The following GCN1 variants were observed in gnomAD, a reference collection of about 807,000 sequenced individuals.
GCN1 encodes stalled ribosome sensor GCN1.
Under a neutral mutation model 288.4 loss-of-function variants are expected in GCN1, and 90 were observed. The ratio of observed to expected loss-of-function variants is 0.31; its 90% CI spans 0.26 to 0.37. GCN1 has a LOEUF of 0.37. Among genes scored for constraint, GCN1 ranks in the 10% least tolerant of loss-of-function variants. The probability of loss-of-function intolerance (pLI) is 1.00; values close to 1 mark genes in which losing one functional copy is unlikely to be tolerated. For missense variants in GCN1, 2,586 were observed against 3,419.9 expected (o/e 0.76, Z 6.08); for synonymous variants, 1,386 against 1,420.2 (o/e 0.98, Z 0.54).
intron 57 of GCN1, 66 bp from the exon 58 acceptor site, chr12:120,128,040 A>C (rs1876675401): frequency 1.3e-6 from 2 of 1,572,354 alleles, no homozygotes; most frequent in Non-Finnish European, 1.7e-6. Context: ...CTCCAATTGG[A>C]GAAAGACAAA....
chr12:120,157,532 A>G (rs1334071322), intron 26 of GCN1, among the ~76,000 whole-genome samples: 2 of 152,256 alleles, frequency 1.3e-5, no homozygotes, highest in African/African-American at 2.4e-5. Flanking sequence ...AACAACCTTA[A>G]GAACTCATCA....
At chr12:120,193,536 C>G (rs1879075278) in intron 1 of GCN1, among the ~76,000 whole-genome samples, 1 of 152,154 alleles carries the variant, frequency 6.6e-6, no homozygotes, top group Non-Finnish European at 1.5e-5. Flanking sequence ...AACTCCTGAC[C>G]TCAACTGATC....
At chr12:120,187,896 A>AC (rs1225147094) in intron 2 of GCN1, among the ~76,000 whole-genome samples, 2 of 151,920 alleles carry the variant, frequency 1.3e-5, no homozygotes, top group Admixed American at 6.6e-5. Flanking sequence ...TGAAAAAAAA[A>AC]AAAAACAAAA....
chr12:120,193,882 C>A (rs578119082), intron 1 of GCN1, among the ~76,000 whole-genome samples: 3 of 152,288 alleles, frequency 2.0e-5, no homozygotes, highest in Non-Finnish European at 4.4e-5. Flanking sequence ...ATCCCATCAC[C>A]CTGGAGACAC....
In GCN1 at chr12:120,137,206, C is replaced by T; in HGVS notation, c.6777G>A (p.Lys2259=). 1 of 1,612,400 alleles carries T rather than the reference C, an allele frequency of 6.2e-7. No individual in the cohort carries two copies. The change falls in exon 50 of 58, where the codon AAG becomes AAA. Residue 2259 remains lysine (K), a splice_region_variant and synonymous_variant. Transcript: ENST00000300648. This position sits in a 1 kb window ranked among gnomAD's most constrained non-coding sequence, Gnocchi z 5.2. ...CCCCCTGCACGAGGCCCTGGCTTAC[C>T]TTCTTCGGGAGGCAGAATCCTGGCA... ...EHVPGFCLPK[K]GVTSILPVLR...
chr12:120,182,189 G>C (rs1238885033), intron 5 of GCN1, among the ~76,000 whole-genome samples: 1 of 151,644 alleles, frequency 6.6e-6, no homozygotes, highest in Non-Finnish European at 1.5e-5. Flanking sequence ...AAACCACTCA[G>C]TGCAGATAAG....
intron 33 of GCN1, among the ~76,000 whole-genome samples, chr12:120,152,223 C>T (rs1877579923): frequency 6.6e-6 from 1 of 151,764 alleles, no homozygotes; most frequent in African/African-American, 2.4e-5. Flanking sequence ...GAGACAGGAT[C>T]TCACTATGTT....
intron 36 of GCN1, among the ~76,000 whole-genome samples, chr12:120,149,284 G>C (rs1877461728): frequency 1.3e-5 from 2 of 152,114 alleles, no homozygotes; most frequent in Non-Finnish European, 2.9e-5. Flanking sequence ...TGCTTTGGGA[G>C]GCCAAGGCAG....
At chr12:120,160,653 G>C (rs1433251817) in intron 22 of GCN1, among the ~76,000 whole-genome samples, 2 of 152,180 alleles carry the variant, frequency 1.3e-5, no homozygotes, top group Admixed American at 6.5e-5. Flanking sequence ...GCTTAGAAAA[G>C]GCCTGCTATA....
At chr12:120,169,111 C>A (rs1039994953) in intron 15 of GCN1, among the ~76,000 whole-genome samples, 3 of 151,972 alleles carry the variant, frequency 2.0e-5, no homozygotes, top group Non-Finnish European at 4.4e-5. Context: ...CTGGCTAACA[C>A]GATGAAACCC....
In GCN1 at chr12:120,156,084, G is replaced by A. The variant is rs1877736973; in HGVS notation, c.3313-365C>T. Among the ~76,000 whole-genome samples the A allele has an allele frequency of 6.6e-6, 1 of 152,182 alleles. No individual in the cohort carries two copies. The highest frequency in any genetic ancestry group is 1.5e-5 in the Non-Finnish European group (1 of 68,036). On this transcript the variant is annotated intron_variant, in intron 28 of 57. Transcript: ENST00000300648. The surrounding 1 kb of genome is among the most constrained non-coding windows in gnomAD (Gnocchi z 5.8). ...ATAGCAGGAGGCTGTGGATCAGCAGGTAGGAACCACTGTCTTACCACTACA... is the reference window on the plus strand; with the variant it reads ...ATAGCAGGAGGCTGTGGATCAGCAGATAGGAACCACTGTCTTACCACTACA...
rs1347803243 is a variant in GCN1, at chr12:120,158,698, C to T, written c.2750-83G>A. The T allele has an allele frequency of 3.4e-6, 4 of 1,164,306 alleles. No homozygotes were observed. The highest frequency in any genetic ancestry group is 2.7e-5 in the Admixed American group (1 of 37,096). 72.1% of individuals were successfully genotyped at this position (1,164,306 alleles called of 1,614,324 possible). ...CCAGGCTAAAACAGGGGACCCAGTG[C>T]CTCATCCTTCTGACTTAAAAAAATA... On this transcript the variant is annotated intron_variant, in intron 24 of 57. Transcript: ENST00000300648. The surrounding 1 kb of genome is among the most constrained non-coding windows in gnomAD (Gnocchi z 4.3).
chr12:120,161,753 C>A, intron 21 of GCN1, 127 bp downstream of exon 21: 2 of 1,017,004 alleles, frequency 2.0e-6, no homozygotes, highest in South Asian at 1.5e-5. Flanking sequence ...GGGGACACAA[C>A]AGGCGCTTAG....
At chr12:120,154,910 C>T (rs1358551583) in intron 31 of GCN1, 60 bp downstream of exon 31, 1 of 1,476,500 alleles carries the variant, frequency 6.8e-7, no homozygotes, top group African/African-American at 1.4e-5. Context: ...AGCACCCACC[C>T]AGCCAACCTG....
chr12:120,162,725 C>G, intron 20 of GCN1, 122 bp downstream of exon 20: 1 of 1,130,284 alleles, frequency 8.8e-7, no homozygotes, highest in East Asian at 2.4e-5. Context: ...CACGTGCAAC[C>G]AAGGGTCCAA....
chr12:120,184,058 TCTC>T, intron 4 of GCN1, 51 bp downstream of exon 4: 1 of 1,498,870 alleles, frequency 6.7e-7, no homozygotes, highest in Non-Finnish European at 9.1e-7. Context: ...TGCATCAGCT[TCTC>T]CTGAGCAGGA....
chr12:120,150,117 G>A (rs1401112421), intron 34 of GCN1, 74 bp from the exon 35 acceptor site: 2 of 1,486,612 alleles, frequency 1.3e-6, no homozygotes, highest in East Asian at 2.3e-5. Flanking sequence ...AGAAGGGACA[G>A]CAACCTCCCT....
Position 120,147,088 on chromosome 12 carries a change from C to A in GCN1, c.4911G>T (p.Gln1637His). 6.3e-7 allele frequency: 1 copy of A among 1,594,414 alleles called. No individual in the cohort carries two copies. Residue 1637 changes from glutamine to histidine, a missense_variant, in exon 38 of 58, where the codon CAG (glutamine) becomes CAT (histidine). This residue lies in a region of GCN1 where 371 missense variants were observed against 572.6 expected (regional missense o/e 0.65). Transcript: ENST00000300648. ...TCAGGGAGTACATGTTGCCAATAAT[C>A]TGGGCTGCCATCTTCCGCGTGTCCG... ...RSTDTRKMAA[Q>H]IIGNMYSLTD...
rs369703032 is a variant in GCN1, at chr12:120,173,970, T to C, written c.1192+101A>G. On this transcript the variant is annotated intron_variant, in intron 13 of 57. Transcript: ENST00000300648. ...GCTACGAGCCTTGCTCTGAGGGAGG[T>C]GTGTCTTTAGGAGAGGTTTATGGAA... The C allele has an allele frequency of 1.2e-5, 12 of 1,012,314 alleles. 1 individual carries two copies. The highest frequency in any genetic ancestry group is 7.6e-5 in the East Asian group (3 of 39,472). 62.7% of individuals were successfully genotyped at this position (1,012,314 alleles called of 1,614,324 possible).
Sources: gnomAD v4.1 joint callset for allele counts (sites outside exome capture counted in the v4.1 genomes callset) on GRCh38, gnomAD v4.1.1 for gene constraint, gnomAD v4.1.1 regional missense constraint, Gnocchi (gnomAD v3.1) non-coding constraint, MANE v1.5 for transcripts, NCBI Gene and HGNC (gene_info 2026-07-23, HGNC 2026-07-21) for gene names.